EXOC6B: variants seen among roughly 807,000 people sequenced by gnomAD.
The protein encoded by EXOC6B is exocyst complex component 6B.
Under a neutral mutation model 113.5 loss-of-function variants are expected in EXOC6B, and 54 were observed. The observed-to-expected ratio is 0.48, with a 90% CI of 0.38 to 0.60. The LOEUF (loss-of-function observed/expected upper bound fraction) is 0.60. Ranked by LOEUF, EXOC6B falls within the 20% of genes least tolerant of loss-of-function variation. EXOC6B has a pLI of 0.00. For synonymous variants in EXOC6B, 357 were observed against 339.0 expected (o/e 1.05, Z -0.58); for missense variants, 797 against 977.5 (o/e 0.82, Z 2.46).
chr2:72,534,897 G>T (rs73943197), intron 8 of EXOC6B, among the ~76,000 whole-genome samples: 241 of 152,110 alleles, frequency 1.6e-3, no homozygotes, highest in Non-Finnish European at 3.0e-3. Context: ...GTAGCTTTTG[G>T]TTTCTTTTTT....
chr2:72,471,098 T>C (rs1188418480), intron 17 of EXOC6B, among the ~76,000 whole-genome samples: 3 of 152,068 alleles, frequency 2.0e-5, no homozygotes, highest in African/African-American at 7.2e-5. Context: ...GTAAAAGTGT[T>C]CCTATTTCTC....
chr2:72,802,377 C>A (rs1685335382), intron 1 of EXOC6B, among the ~76,000 whole-genome samples: 1 of 151,334 alleles, frequency 6.6e-6, no homozygotes, highest in South Asian at 2.1e-4. Flanking sequence ...ATGCTTACCA[C>A]TATCATTGGC....
At chr2:72,686,145 A>G (rs1677075251) in intron 6 of EXOC6B, among the ~76,000 whole-genome samples, 1 of 152,180 alleles carries the variant, frequency 6.6e-6, no homozygotes, top group African/African-American at 2.4e-5. Flanking sequence ...GGACAGAGGA[A>G]TCCACTTAGC....
chr2:72,194,569 T>TTCTCTC (rs141826011), intron 20 of EXOC6B, among the ~76,000 whole-genome samples: 2,823 of 143,838 alleles, frequency 0.02, 67 homozygotes, highest in African/African-American at 0.061. Flanking sequence ...GGTGAATGAT[T>TTCTCTC]TCTCTCTCTC....
intron 6 of EXOC6B, among the ~76,000 whole-genome samples, chr2:72,681,936 C>T (rs1446033864): frequency 6.6e-6 from 1 of 151,296 alleles, no homozygotes; most frequent in Non-Finnish European, 1.5e-5. Flanking sequence ...CTTCTCTCCA[C>T]TAGCCAAGAA....
chr2:72,428,020 C>T lies in EXOC6B; in HGVS notation c.1980+37140G>A, dbSNP rs148329676. ...GCCTGCAAAGAGGAGCTACCCTCTCCTAGAAGCTGAATACTCCATGGAACA... is the reference window on the plus strand; with the variant it reads ...GCCTGCAAAGAGGAGCTACCCTCTCTTAGAAGCTGAATACTCCATGGAACA... On this transcript the variant is annotated intron_variant, in intron 18 of 21. Coordinates refer to ENST00000272427, the MANE Select transcript of EXOC6B (RefSeq NM_015189.3). Among the ~76,000 whole-genome samples, 1,221 of 152,252 alleles carry T rather than the reference C, an allele frequency of 8.0e-3. 11 individuals are homozygous for T. The highest frequency in any genetic ancestry group is 0.014 in the Middle Eastern group (4 of 294).
intron 20 of EXOC6B, among the ~76,000 whole-genome samples, chr2:72,307,709 T>C (rs1686968446): frequency 6.6e-6 from 1 of 152,236 alleles, no homozygotes; most frequent in African/African-American, 2.4e-5. Context: ...GTTCCCTTTT[T>C]TTCAGGCTAT....
intron 20 of EXOC6B, among the ~76,000 whole-genome samples, chr2:72,231,536 A>G (rs555431425): frequency 1.5e-3 from 223 of 152,286 alleles, no homozygotes; most frequent in South Asian, 5.4e-3. Flanking sequence ...TAAAATAAGT[A>G]TATAAAAAAT....
chr2:72,669,707 T>C (rs1675659747), intron 6 of EXOC6B, among the ~76,000 whole-genome samples: 1 of 152,370 alleles, frequency 6.6e-6, no homozygotes. Context: ...GGAAAGCATG[T>C]GTTGAGAAAC....
At chr2:72,475,226 AC>A (rs1478575970) in intron 17 of EXOC6B, among the ~76,000 whole-genome samples, 1 of 152,048 alleles carries the variant, frequency 6.6e-6, no homozygotes, top group East Asian at 2.0e-4. Context: ...GAGTTTCCAG[AC>A]AGATTACTTG....
chr2:72,521,756 G>A (rs1235075347), intron 8 of EXOC6B, among the ~76,000 whole-genome samples: 2 of 152,120 alleles, frequency 1.3e-5, no homozygotes, highest in African/African-American at 4.8e-5. Context: ...GAGTGCAGTG[G>A]TGGGATCTCA....
At chr2:72,677,024 G>A (rs1273819573) in intron 6 of EXOC6B, among the ~76,000 whole-genome samples, 1 of 152,150 alleles carries the variant, frequency 6.6e-6, no homozygotes, top group Non-Finnish European at 1.5e-5. Flanking sequence ...GAGCCAGAAA[G>A]AAGAAAAACA....
rs1017712025 is a variant in EXOC6B at position 72,376,333 on chromosome 2, G to C, written c.2122+3396C>G. Among the ~76,000 whole-genome samples the C allele has an allele frequency of 2.0e-5, 3 of 152,106 alleles. No individual in the cohort carries two copies. In the East Asian group the frequency reaches 5.8e-4, roughly 29 times the overall value. On this transcript the variant is annotated intron_variant, in intron 19 of 21. Transcript: ENST00000272427. ...TTGAAGGATATTTTCACAAGACATA[G>C]AGTTTTCATTGACAGGTTTTGTTCT...
chr2:72,773,939 T>C (rs1264606305), intron 1 of EXOC6B, among the ~76,000 whole-genome samples: 2 of 152,244 alleles, frequency 1.3e-5, no homozygotes, highest in African/African-American at 4.8e-5. Flanking sequence ...ATGTGACAAA[T>C]GATACTTTCT....
At chr2:72,751,555 T>C (rs1682045144) in intron 1 of EXOC6B, among the ~76,000 whole-genome samples, 1 of 152,084 alleles carries the variant, frequency 6.6e-6, no homozygotes, top group African/African-American at 2.4e-5. Context: ...TCCATTGAGA[T>C]GGTGGGGGCA....
chr2:72,552,809 A>T lies in EXOC6B; in HGVS notation c.915+6644T>A, dbSNP rs191181766. On this transcript the variant is annotated intron_variant, in intron 8 of 21. Transcript: ENST00000272427. Reference sequence around the variant, plus strand: ...ATTAATATGTATAGAAAACTAATTCAATAAAATTCAACAGACATTTATGTT... The same window carrying T: ...ATTAATATGTATAGAAAACTAATTCTATAAAATTCAACAGACATTTATGTT... 1.2e-4 allele frequency among the ~76,000 whole-genome samples: 18 copies of T among 152,060 alleles called. No individual in the cohort carries two copies. In the East Asian group the frequency reaches 3.1e-3, roughly 26 times the overall value.
At chr2:72,685,369 C>T (rs983873482) in intron 6 of EXOC6B, among the ~76,000 whole-genome samples, 1 of 152,088 alleles carries the variant, frequency 6.6e-6, no homozygotes, top group Non-Finnish European at 1.5e-5. Flanking sequence ...AGTAGGCAGG[C>T]GTATTCTGTG....
chr2:72,284,058 A>G (rs1340596368), intron 20 of EXOC6B, among the ~76,000 whole-genome samples: 1 of 152,192 alleles, frequency 6.6e-6, no homozygotes, highest in Non-Finnish European at 1.5e-5. Context: ...ATATTTAAGG[A>G]CAAAATTATA....
At chr2:72,597,950 T>C (rs1261245263) in intron 6 of EXOC6B, among the ~76,000 whole-genome samples, 1 of 151,876 alleles carries the variant, frequency 6.6e-6, no homozygotes, top group Non-Finnish European at 1.5e-5. Flanking sequence ...AGGCAAAAAC[T>C]GACAGAACTT....
Sources: allele counts gnomAD v4.1 joint callset (sites outside exome capture counted in the v4.1 genomes callset), GRCh38; gene constraint gnomAD v4.1.1; transcripts MANE v1.5; gene names NCBI Gene and HGNC (gene_info 2026-07-23, HGNC 2026-07-21).